Variants in NR2F1-AS1 observed in about 807,000 individuals in gnomAD.
NR2F1-AS1 encodes NR2F1 antisense RNA 1.
intron 4 of NR2F1-AS1, among the ~76,000 whole-genome samples, chr5:93,467,650 A>G (rs771922700): frequency 6.6e-6 from 1 of 152,226 alleles, no homozygotes; most frequent in Non-Finnish European, 1.5e-5. Context: ...TTTGTTAGAT[A>G]ACAATTTAAG....
chr5:93,479,201 C>T (rs1750549620), intron 4 of NR2F1-AS1, among the ~76,000 whole-genome samples: 2 of 151,976 alleles, frequency 1.3e-5, no homozygotes, highest in African/African-American at 2.4e-5. Context: ...CCAGAGTGAA[C>T]AACAGGAACC....
chr5:93,438,173 T>C (rs1749483989), intron 4 of NR2F1-AS1, among the ~76,000 whole-genome samples: 1 of 152,186 alleles, frequency 6.6e-6, no homozygotes. Context: ...ATTTGGGGAA[T>C]TCATAGATGC....
intron 4 of NR2F1-AS1, among the ~76,000 whole-genome samples, chr5:93,413,407 G>T (rs1748903525): frequency 6.6e-6 from 1 of 151,992 alleles, no homozygotes; most frequent in Non-Finnish European, 1.5e-5. Flanking sequence ...TGTACTGGGA[G>T]AAAAAGTTAA....
intron 4 of NR2F1-AS1, among the ~76,000 whole-genome samples, chr5:93,463,953 T>C (rs1750160672): frequency 6.6e-6 from 1 of 152,134 alleles, no homozygotes; most frequent in South Asian, 2.1e-4. Flanking sequence ...ATGGTGGACT[T>C]TTGAGTTAGT....
At chr5:93,575,698 C>G (rs192528084) in intron 1 of NR2F1-AS1, among the ~76,000 whole-genome samples, 1 of 152,094 alleles carries the variant, frequency 6.6e-6, no homozygotes, top group African/African-American at 2.4e-5. Flanking sequence ...CTGGAAAAAG[C>G]TGTCCATTGT....
rs184039706 is a variant in NR2F1-AS1 at position 93,522,851 on chromosome 5, G to A, written n.638+30910C>T. ...TTTCCCATGGTCTTTGCAATCTGCAGACCAGAAGATTCCTTTGGCTGCCAA... is the reference window on the plus strand; with the variant it reads ...TTTCCCATGGTCTTTGCAATCTGCAAACCAGAAGATTCCTTTGGCTGCCAA... On this transcript the variant is annotated intron_variant and non_coding_transcript_variant, in intron 4 of 5. Transcript: ENST00000660523. Among the ~76,000 whole-genome samples the A allele has an allele frequency of 3.7e-3, 564 of 152,274 alleles. 1 individual carries two copies. Among genetic ancestry groups the A allele is most frequent in the Non-Finnish European group, 6.1e-3 (416 of 68,012 alleles).
chr5:93,552,174 A>G (rs898485560), intron 4 of NR2F1-AS1, among the ~76,000 whole-genome samples: 1 of 152,210 alleles, frequency 6.6e-6, no homozygotes, highest in Admixed American at 6.5e-5. Context: ...TAAGAAGAAG[A>G]CATAAGTAAA....
intron 4 of NR2F1-AS1, among the ~76,000 whole-genome samples, chr5:93,438,544 C>T (rs1213966182): frequency 2.0e-5 from 3 of 152,162 alleles, no homozygotes; most frequent in East Asian, 3.9e-4. Context: ...GGTCATTATC[C>T]TCTCTTACGT....
intron 4 of NR2F1-AS1, among the ~76,000 whole-genome samples, chr5:93,419,934 T>C (rs975888949): frequency 6.6e-6 from 1 of 152,152 alleles, no homozygotes; most frequent in African/African-American, 2.4e-5. Context: ...TGGTGGCTCA[T>C]GCCTGTAATC....
intron 4 of NR2F1-AS1, among the ~76,000 whole-genome samples, chr5:93,507,436 C>T (rs1476980907): frequency 2.0e-5 from 3 of 152,166 alleles, no homozygotes; most frequent in African/African-American, 7.2e-5. Flanking sequence ...CGGCTCACTG[C>T]AACCTCTGCC....
chr5:93,462,093 G>GA (rs1750107526), intron 4 of NR2F1-AS1, among the ~76,000 whole-genome samples: 1 of 152,200 alleles, frequency 6.6e-6, no homozygotes, highest in Non-Finnish European at 1.5e-5. Context: ...GTGTATATGT[G>GA]AAAAATTGTA....
upstream of NR2F1-AS1, chr5:93,584,304 C>G (rs913110431): frequency 6.7e-6 from 1 of 150,172 alleles, no homozygotes; most frequent in Non-Finnish European, 1.5e-5. Flanking sequence ...CGCCTGCAGC[C>G]GCGACCTCCT....
chr5:93,499,059 T>C (rs1017675974), intron 4 of NR2F1-AS1, among the ~76,000 whole-genome samples: 2 of 152,198 alleles, frequency 1.3e-5, no homozygotes, highest in African/African-American at 4.8e-5. Context: ...CTATTCAGAA[T>C]AACTGAATAA....
At chr5:93,483,038 G>A (rs918359530) in intron 4 of NR2F1-AS1, among the ~76,000 whole-genome samples, 5 of 152,208 alleles carry the variant, frequency 3.3e-5, no homozygotes, top group African/African-American at 7.2e-5. Flanking sequence ...AGACTTAAAC[G>A]TTCCTGCCTG....
chr5:93,567,718 A>G (rs1389682351), intron 1 of NR2F1-AS1, among the ~76,000 whole-genome samples: 4 of 152,164 alleles, frequency 2.6e-5, no homozygotes, highest in African/African-American at 4.8e-5. Flanking sequence ...CTGAGAAAAT[A>G]CTGAGGAATC....
At chr5:93,535,480 TA>T (rs1316220584) in intron 4 of NR2F1-AS1, among the ~76,000 whole-genome samples, 2 of 151,972 alleles carry the variant, frequency 1.3e-5, no homozygotes, top group Non-Finnish European at 2.9e-5. Flanking sequence ...AAAACAGTGT[TA>T]ACATGTTGAT....
intron 4 of NR2F1-AS1, among the ~76,000 whole-genome samples, chr5:93,466,789 GAAAC>G (rs1464322311): frequency 3.3e-5 from 5 of 150,654 alleles, no homozygotes; most frequent in African/African-American, 7.3e-5. Flanking sequence ...GCAACAGAAT[GAAAC>G]AAACAATCAT....
intron 2 of NR2F1-AS1, among the ~76,000 whole-genome samples, chr5:93,558,249 C>T (rs1160330140): frequency 6.6e-6 from 1 of 151,914 alleles, no homozygotes; most frequent in Admixed American, 6.6e-5. Flanking sequence ...AGAAGACTTT[C>T]AATTGACTTT....
At chr5:93,558,213 G>A (rs1413027958) in intron 2 of NR2F1-AS1, among the ~76,000 whole-genome samples, 3 of 152,084 alleles carry the variant, frequency 2.0e-5, no homozygotes, top group East Asian at 1.9e-4. Flanking sequence ...CGTTGTTAAC[G>A]GCAGCTAGAA....
Sources: allele counts gnomAD v4.1 joint callset (sites outside exome capture counted in the v4.1 genomes callset), GRCh38; gene constraint gnomAD v4.1.1; transcripts MANE v1.5; gene names NCBI Gene and HGNC (gene_info 2026-07-23, HGNC 2026-07-21).